The following HEMK2 variants were observed in gnomAD, a reference collection of about 807,000 sequenced individuals.
The protein encoded by HEMK2 is HemK methyltransferase 2, ETF1 glutamine and histone H4 lysine.
the HEMK2 span, among the ~76,000 whole-genome samples, chr21:28,614,750 C>T: frequency 2.6e-5 from 4 of 152,146 alleles, no homozygotes; most frequent in African/African-American, 4.8e-5. Context: ...AGTGTGTTAC[C>T]GGAAGTAGCA....
At chr21:28,756,059 T>C in the HEMK2 span, among the ~76,000 whole-genome samples, 1 of 152,148 alleles carries the variant, frequency 6.6e-6, no homozygotes, top group African/African-American at 2.4e-5. Flanking sequence ...TCATGAGTGT[T>C]CTCCATAACT....
At chr21:28,672,495 T>C in the HEMK2 span, among the ~76,000 whole-genome samples, 2 of 152,274 alleles carry the variant, frequency 1.3e-5, no homozygotes, top group Admixed American at 1.3e-4. Context: ...CTGTCAGAAA[T>C]GTGCAAGGCT....
chr21:28,619,284 A>C, the HEMK2 span, among the ~76,000 whole-genome samples: 1 of 152,214 alleles, frequency 6.6e-6, no homozygotes, highest in African/African-American at 2.4e-5. Context: ...GGCTTATAAC[A>C]AAGAGTCTGC....
chr21:28,613,223 G>T, the HEMK2 span, among the ~76,000 whole-genome samples: 1 of 151,938 alleles, frequency 6.6e-6, no homozygotes, highest in Non-Finnish European at 1.5e-5. Flanking sequence ...TGTATATATA[G>T]CACAGAAACC....
chr21:28,620,660 C>CTTTTTTTTTTTTTT, the HEMK2 span, among the ~76,000 whole-genome samples: 308 of 49,652 alleles, frequency 6.2e-3, 72 homozygotes, highest in African/African-American at 0.012. Flanking sequence ...TCTCTCTTTT[C>CTTTTTTTTTTTTTT]TTTTTTTTTT....
the HEMK2 span, among the ~76,000 whole-genome samples, chr21:28,881,129 G>A: frequency 3.9e-5 from 6 of 152,150 alleles, no homozygotes; most frequent in East Asian, 9.6e-4. Flanking sequence ...GAAAATGTGT[G>A]CTGTTAACTT....
chr21:28,765,456 A>G, the HEMK2 span, among the ~76,000 whole-genome samples: 7 of 152,154 alleles, frequency 4.6e-5, no homozygotes, highest in African/African-American at 1.7e-4. Flanking sequence ...ATTGTTACAC[A>G]GCAATAGCTA....
chr21:28,702,140 GA>G, the HEMK2 span, among the ~76,000 whole-genome samples: 1 of 152,106 alleles, frequency 6.6e-6, no homozygotes, highest in African/African-American at 2.4e-5. Flanking sequence ...GCAGAAGATT[GA>G]AACTGGACCC....
chr21:28,582,769 C>A, the HEMK2 span, among the ~76,000 whole-genome samples: 1,085 of 152,284 alleles, frequency 7.1e-3, 20 homozygotes, highest in African/African-American at 0.024. Flanking sequence ...GCTGTTGTCA[C>A]AATGTCATTG....
the HEMK2 span, among the ~76,000 whole-genome samples, chr21:28,683,386 T>C: frequency 2.6e-5 from 4 of 152,196 alleles, no homozygotes; most frequent in Admixed American, 6.5e-5. Flanking sequence ...CCCAGCTTTA[T>C]AACTGCAGTC....
At chr21:28,792,572 A>T in the HEMK2 span, among the ~76,000 whole-genome samples, 2 of 152,260 alleles carry the variant, frequency 1.3e-5, no homozygotes, top group African/African-American at 4.8e-5. Flanking sequence ...ATCTCAGATG[A>T]TGTCTTTCTG....
the HEMK2 span, among the ~76,000 whole-genome samples, chr21:28,680,441 G>C: frequency 6.6e-6 from 1 of 152,150 alleles, no homozygotes; most frequent in Admixed American, 6.5e-5. Context: ...TCCAGGACCA[G>C]AAGGATTCAC....
At chr21:28,790,203 T>C in the HEMK2 span, among the ~76,000 whole-genome samples, 1 of 152,206 alleles carries the variant, frequency 6.6e-6, no homozygotes, top group African/African-American at 2.4e-5. Flanking sequence ...ATTGTCAGTT[T>C]TCAAAACAAA....
At chr21:28,600,713 C>T in the HEMK2 span, among the ~76,000 whole-genome samples, 1 of 152,160 alleles carries the variant, frequency 6.6e-6, no homozygotes, top group Non-Finnish European at 1.5e-5. Context: ...AACTTTTATG[C>T]TCTGCTTCTC....
the HEMK2 span, among the ~76,000 whole-genome samples, chr21:28,647,208 G>A: frequency 6.1e-5 from 9 of 146,946 alleles, no homozygotes; most frequent in African/African-American, 2.0e-4. Flanking sequence ...ACTGGGGGCC[G>A]GGCGCAGTGG....
the HEMK2 span, among the ~76,000 whole-genome samples, chr21:28,834,823 T>C: frequency 6.6e-6 from 1 of 152,034 alleles, no homozygotes; most frequent in Non-Finnish European, 1.5e-5. Flanking sequence ...GGGAGTGAGA[T>C]GGGCCCTTCA....
the HEMK2 span, among the ~76,000 whole-genome samples, chr21:28,622,133 T>C: frequency 4.5e-4 from 69 of 152,276 alleles, 1 homozygote; most frequent in South Asian, 7.7e-3. Context: ...CAGCAAAGTC[T>C]CAGGATACAA....
chr21:28,680,912 A>T, the HEMK2 span, among the ~76,000 whole-genome samples: 1 of 152,220 alleles, frequency 6.6e-6, no homozygotes, highest in African/African-American at 2.4e-5. Flanking sequence ...CAAAATAATA[A>T]GAGCTATTTA....
At chr21:28,783,808 G>A in the HEMK2 span, among the ~76,000 whole-genome samples, 13 of 152,318 alleles carry the variant, frequency 8.5e-5, no homozygotes, top group East Asian at 1.2e-3. Flanking sequence ...GGGCCAGCAC[G>A]AGTTCCGGGT....
Sources: allele counts gnomAD v4.1 joint callset (sites outside exome capture counted in the v4.1 genomes callset), GRCh38; gene constraint gnomAD v4.1.1; transcripts MANE v1.5; gene names NCBI Gene and HGNC (gene_info 2026-07-23, HGNC 2026-07-21).